RABGAP1L: variants seen among roughly 807,000 people sequenced by gnomAD.
The protein encoded by RABGAP1L is RAB GTPase activating protein 1 like, also known as rab GTPase-activating protein 1-like.
In RABGAP1L, 63 loss-of-function variants were observed where a neutral mutation model predicts 137.7. The observed-to-expected ratio is 0.46, with a 90% confidence interval of 0.37 to 0.56. RABGAP1L has a LOEUF of 0.56. RABGAP1L is among the 20% of genes least tolerant of loss of function. The pLI, the probability that RABGAP1L is intolerant of heterozygous loss-of-function variation, is 0.00. For missense variants in RABGAP1L, 1,095 were observed against 1,244.0 expected (o/e 0.88, Z 1.80); for synonymous variants, 431 against 433.7 (o/e 0.99, Z 0.08).
rs566341746 is a variant in RABGAP1L at position 174,529,996 on chromosome 1, C to T, written c.1711-107379C>T. Among the ~76,000 whole-genome samples the T allele has an allele frequency of 1.5e-4, 23 of 152,174 alleles. 2 individuals carry two copies. The East Asian group carries it at 3.1e-3, about 21-fold the overall frequency. On this transcript the variant is annotated intron_variant, in intron 13 of 25. Coordinates refer to ENST00000681986, the MANE Select transcript of RABGAP1L (RefSeq NM_001366446.1). ...GGCCAGGTAGGCTTGTCCTTAGGTCCTCTGATAGTGAGTGCAGGTACCAGC... is the reference window on the plus strand; with the variant it reads ...GGCCAGGTAGGCTTGTCCTTAGGTCTTCTGATAGTGAGTGCAGGTACCAGC...
intron 13 of RABGAP1L, among the ~76,000 whole-genome samples, chr1:174,403,208 AGTGTGT>A (rs201238291): frequency 1.6e-3 from 205 of 126,724 alleles, no homozygotes; most frequent in South Asian, 4.5e-3. Context: ...TATATATGAG[AGTGTGT>A]GTGTGTGTGT....
chr1:174,385,873 A>T (rs907706890), intron 12 of RABGAP1L, among the ~76,000 whole-genome samples: 1 of 152,262 alleles, frequency 6.6e-6, no homozygotes, highest in Non-Finnish European at 1.5e-5. Context: ...AAATCAGCAG[A>T]TATAGATAGC....
intron 1 of RABGAP1L, among the ~76,000 whole-genome samples, chr1:174,165,991 C>A (rs1241144177): frequency 6.6e-6 from 1 of 152,204 alleles, no homozygotes; most frequent in Non-Finnish European, 1.5e-5. Flanking sequence ...GCCTAGAATG[C>A]CAGTTTTCCT....
intron 13 of RABGAP1L, among the ~76,000 whole-genome samples, chr1:174,520,308 C>G (rs78802984): frequency 0.021 from 3,195 of 152,298 alleles, 117 homozygotes; most frequent in African/African-American, 0.074. Context: ...ATTTAACTCT[C>G]TAGTCTCAAA....
intron 1 of RABGAP1L, among the ~76,000 whole-genome samples, chr1:174,217,082 A>G (rs1669390669): frequency 6.6e-6 from 1 of 152,112 alleles, no homozygotes; most frequent in African/African-American, 2.4e-5. Context: ...CTTATTTTGG[A>G]AGTGGGTCTG....
intron 13 of RABGAP1L, among the ~76,000 whole-genome samples, chr1:174,610,199 T>G (rs1272967293): frequency 8.4e-6 from 1 of 119,116 alleles, no homozygotes; most frequent in Non-Finnish European, 1.7e-5. Flanking sequence ...ATGCTATCCC[T>G]TCCCCCTCCC....
Position 174,278,704 on chromosome 1 carries a change from G to A in RABGAP1L, c.1248G>A (p.Val416=), listed in dbSNP as rs1675226604. The change falls in exon 10 of 26, where the codon GTG becomes GTA. Residue 416 remains valine (V), a synonymous_variant. Transcript: ENST00000681986. ...VRFLLETVVR[V]YPANERFWYF... ...TTCTCCTGGAGACAGTAGTCCGTGTGTACCCTGCAAATGAGCGATTTTGGT... is the reference window on the plus strand; with the variant it reads ...TTCTCCTGGAGACAGTAGTCCGTGTATACCCTGCAAATGAGCGATTTTGGT... 11 of 1,599,808 alleles carry A rather than the reference G, an allele frequency of 6.9e-6. No homozygotes were observed. Among genetic ancestry groups the A allele is most frequent in the Non-Finnish European group, 9.4e-6 (11 of 1,175,952 alleles).
At chr1:174,233,393 A>C (rs561399612) in intron 4 of RABGAP1L, among the ~76,000 whole-genome samples, 3 of 144,704 alleles carry the variant, frequency 2.1e-5, no homozygotes, top group East Asian at 2.1e-4. Context: ...TTAGGTATAT[A>C]TCCCAATGCT....
intron 19 of RABGAP1L, among the ~76,000 whole-genome samples, chr1:174,956,420 T>TG (rs546708136): frequency 1.3e-5 from 2 of 152,198 alleles, no homozygotes; most frequent in South Asian, 4.1e-4. Flanking sequence ...TATTTGTTTA[T>TG]TTTTAAAATT....
rs941007286 is a variant in RABGAP1L, at chr1:174,714,145, T to G, written c.2169+11889T>G. ...TGGAACATTGAAAACATTTGTATAT[T>G]TTTTAGGACAGCAGGGATGTTAATT... On this transcript the variant is annotated intron_variant, in intron 17 of 25. Coordinates refer to ENST00000681986, the MANE Select transcript of RABGAP1L (RefSeq NM_001366446.1). Among the ~76,000 whole-genome samples, 5 of 152,284 alleles carry G rather than the reference T, an allele frequency of 3.3e-5. No homozygotes were observed. The Middle Eastern group carries it at 0.01, about 311-fold the overall frequency.
intron 13 of RABGAP1L, among the ~76,000 whole-genome samples, chr1:174,622,967 A>T (rs569606014): frequency 6.6e-6 from 1 of 152,296 alleles, no homozygotes; most frequent in East Asian, 1.9e-4. Flanking sequence ...GTACTTTATG[A>T]AAAGGAATTT....
In RABGAP1L at chr1:174,993,245, G is replaced by A. The variant is rs1185295313; in HGVS notation, c.*3244G>A. ...CTGTTTATTTATGAGTGCCTATCAG[G>A]AACACTAATAGGAATGCCATTCAAC... On this transcript the variant is annotated 3_prime_UTR_variant, in exon 26 of 26. Coordinates refer to ENST00000681986, the MANE Select transcript of RABGAP1L (RefSeq NM_001366446.1). 2 of 152,112 alleles carry A rather than the reference G, an allele frequency of 1.3e-5. No homozygotes were observed. Among genetic ancestry groups the A allele is most frequent in the African/African-American group, 2.4e-5 (1 of 41,412 alleles). 9.4% of individuals were successfully genotyped at this position (152,112 alleles called of 1,614,324 possible).
rs554477113 is a variant in RABGAP1L, at chr1:174,231,152, T to A, written c.339T>A (p.Ser113=). ...LILDPSNTEI[S]TPRPSSPGGL... ...CTTTTTTTGTTTCTTCAGAAATTTC[T>A]ACACCCAGACCATCTTCTCCAGGTG... Residue 113 remains serine, a synonymous_variant, in exon 4 of 26, where the codon TCT becomes TCA. Transcript: ENST00000681986. 6.2e-7 allele frequency: 1 copy of A among 1,606,714 alleles called. No homozygotes were observed. Among genetic ancestry groups the A allele is most frequent in the Admixed American group, 1.7e-5 (1 of 59,754 alleles).
rs992213631 is a variant in RABGAP1L at position 174,477,087 on chromosome 1, G to A, written c.1710+82942G>A. On this transcript the variant is annotated intron_variant, in intron 13 of 25. Coordinates refer to ENST00000681986, the MANE Select transcript of RABGAP1L (RefSeq NM_001366446.1). Reference sequence around the variant, plus strand: ...TACCATAGTCCCAGGAGCAGAACTGGGTGTGCTGAGATATCAAAGTTATGC... The same window carrying A: ...TACCATAGTCCCAGGAGCAGAACTGAGTGTGCTGAGATATCAAAGTTATGC... Among the ~76,000 whole-genome samples the A allele has an allele frequency of 2.6e-5, 4 of 152,216 alleles. No individual in the cohort carries two copies. In the East Asian group the frequency reaches 7.7e-4, roughly 29 times the overall value.
At chr1:174,941,592 T>G (rs11799361) in intron 19 of RABGAP1L, among the ~76,000 whole-genome samples, 4,111 of 152,262 alleles carry the variant, frequency 0.027, 170 homozygotes, top group African/African-American at 0.092. Context: ...AGATGCTTCC[T>G]ACCTGGTAGA....
intron 11 of RABGAP1L, among the ~76,000 whole-genome samples, chr1:174,366,813 T>A (rs1373626165): frequency 6.8e-6 from 1 of 147,536 alleles, no homozygotes; most frequent in Admixed American, 6.7e-5. Flanking sequence ...AAAAAGAAGT[T>A]TAGCACTAAC....
intron 19 of RABGAP1L, among the ~76,000 whole-genome samples, chr1:174,824,085 T>A (rs1015448541): frequency 1.3e-5 from 2 of 151,788 alleles, no homozygotes; most frequent in East Asian, 1.9e-4. Context: ...AGGTCAGGAG[T>A]TCGAGACCAG....
At chr1:174,757,634 A>G (rs1450930536) in intron 18 of RABGAP1L, among the ~76,000 whole-genome samples, 1 of 151,750 alleles carries the variant, frequency 6.6e-6, no homozygotes, top group East Asian at 1.9e-4. Context: ...AATCATATAA[A>G]TAAAGCTCTT....
rs181704016 is a variant in RABGAP1L, at chr1:174,972,730, C to G, written c.2544+3343C>G. Among the ~76,000 whole-genome samples the G allele has an allele frequency of 3.8e-3, 572 of 151,504 alleles. 4 individuals are homozygous for G. Among genetic ancestry groups the G allele is most frequent in the African/African-American group, 0.013 (547 of 41,292 alleles). On this transcript the variant is annotated intron_variant, in intron 21 of 25. Coordinates refer to ENST00000681986, the MANE Select transcript of RABGAP1L (RefSeq NM_001366446.1). The stretch of plus-strand genomic sequence containing the variant: ...TTAGCCAGGTGTGGCGGCATGCGCC[C>G]GTAATCCCAGCTACTAGGGAGGCTG...
Sources: allele counts gnomAD v4.1 joint callset (sites outside exome capture counted in the v4.1 genomes callset), GRCh38; gene constraint gnomAD v4.1.1; transcripts MANE v1.5; gene names NCBI Gene and HGNC (gene_info 2026-07-23, HGNC 2026-07-21).